CDH8: variants seen among roughly 807,000 people sequenced by gnomAD.
CDH8 encodes the protein cadherin-8.
In CDH8, 17 loss-of-function variants were observed where a neutral mutation model predicts 68.1. That is an observed-to-expected ratio of 0.25 (90% CI 0.17 to 0.37). CDH8 has a LOEUF of 0.37. CDH8 is among the 10% of genes least tolerant of loss of function. The pLI, the probability that CDH8 is intolerant of heterozygous loss-of-function variation, is 1.00. For synonymous variants in CDH8, 372 were observed against 365.1 expected (o/e 1.02, Z -0.21); for missense variants, 763 against 999.3 (o/e 0.76, Z 3.19).
At chr16:61,818,582 T>A (rs970241749) in intron 6 of CDH8, among the ~76,000 whole-genome samples, 2 of 152,176 alleles carry the variant, frequency 1.3e-5, no homozygotes, top group Non-Finnish European at 2.9e-5. Flanking sequence ...TCTGAGAGAC[T>A]TTGGTCAATG....
chr16:61,688,231 C>T (rs1964146054), intron 10 of CDH8, among the ~76,000 whole-genome samples: 1 of 152,010 alleles, frequency 6.6e-6, no homozygotes, highest in Admixed American at 6.6e-5. Flanking sequence ...CACCTCCCTG[C>T]CTGAGCAGCT....
intron 8 of CDH8, among the ~76,000 whole-genome samples, chr16:61,767,562 C>G (rs1417442916): frequency 6.6e-6 from 1 of 151,822 alleles, no homozygotes; most frequent in Non-Finnish European, 1.5e-5. Context: ...CTGTTACTAA[C>G]ATTAAAAAAG....
intron 8 of CDH8, among the ~76,000 whole-genome samples, chr16:61,752,220 C>G (rs552998952): frequency 1.3e-5 from 2 of 152,182 alleles, no homozygotes; most frequent in African/African-American, 4.8e-5. Flanking sequence ...ATGAAGTTAG[C>G]TATGACAATA....
In CDH8 at chr16:61,836,807, C is replaced by T. The variant is rs372496276; in HGVS notation, c.668-11628G>A. ...GCTTCTCCTGGTTTTTCTTTGTCAG[C>T]CAAAGAGACTTATAAAACATTGAGA... On this transcript the variant is annotated intron_variant, in intron 4 of 11. Transcript: ENST00000577390. Among the ~76,000 whole-genome samples, 9 of 152,010 alleles carry T rather than the reference C, an allele frequency of 5.9e-5. No homozygotes were observed. In the East Asian group the frequency reaches 1.2e-3, roughly 20 times the overall value.
At position 61,655,690 on chromosome 16, in the gene CDH8, A is replaced by G; in HGVS notation, c.1686T>C (p.Asn562=). The change falls in exon 11 of 12, where the codon AAT becomes AAC. Residue 562 remains asparagine, a synonymous_variant. Coordinates refer to ENST00000577390, the MANE Select transcript of CDH8 (RefSeq NM_001796.5). ...DNSLSILAKH[N]GFNRQKQEVY... ...CTTCTTGCTTCTGGCGGTTGAATCCATTATGCTTTGCCAAAATACTGAGGG... is the reference window on the plus strand; with the variant it reads ...CTTCTTGCTTCTGGCGGTTGAATCCGTTATGCTTTGCCAAAATACTGAGGG... 6.2e-7 allele frequency: 1 copy of G among 1,614,038 alleles called. No individual in the cohort carries two copies. Among genetic ancestry groups the G allele is most frequent in the Non-Finnish European group, 8.5e-7 (1 of 1,179,912 alleles).
At chr16:62,007,407 T>A (rs1965995171) in intron 2 of CDH8, among the ~76,000 whole-genome samples, 1 of 152,220 alleles carries the variant, frequency 6.6e-6, no homozygotes, top group African/African-American at 2.4e-5. Flanking sequence ...TGATTTACCT[T>A]CTAGTGCCAA....
intron 10 of CDH8, among the ~76,000 whole-genome samples, chr16:61,668,091 A>C (rs1446853675): frequency 6.6e-6 from 1 of 152,050 alleles, no homozygotes; most frequent in Non-Finnish European, 1.5e-5. Flanking sequence ...ACTGGTGGAC[A>C]AGAGTATAGT....
intron 8 of CDH8, among the ~76,000 whole-genome samples, chr16:61,763,207 C>T (rs1221060134): frequency 1.3e-5 from 2 of 152,130 alleles, no homozygotes; most frequent in South Asian, 2.1e-4. Flanking sequence ...TTTGTCTATT[C>T]GGCCAGCTCC....
At chr16:61,972,162 C>T (rs1287453584) in intron 2 of CDH8, among the ~76,000 whole-genome samples, 1 of 152,004 alleles carries the variant, frequency 6.6e-6, no homozygotes, top group Admixed American at 6.6e-5. Flanking sequence ...ATAAGAGTTC[C>T]CCTGCACAAG....
intron 2 of CDH8, among the ~76,000 whole-genome samples, chr16:61,953,490 C>T (rs1361488511): frequency 6.6e-6 from 1 of 151,424 alleles, no homozygotes; most frequent in Admixed American, 6.6e-5. Context: ...ATTACAAATA[C>T]AGTGAAAAAG....
chr16:61,947,321 T>C (rs965043916), intron 2 of CDH8, among the ~76,000 whole-genome samples: 4 of 152,210 alleles, frequency 2.6e-5, no homozygotes, highest in Non-Finnish European at 4.4e-5. Flanking sequence ...ATTAAATGTG[T>C]CAAAGAAAAT....
intron 2 of CDH8, among the ~76,000 whole-genome samples, chr16:61,923,754 ATATT>A (rs1031994487): frequency 6.8e-6 from 1 of 147,766 alleles, no homozygotes; most frequent in African/African-American, 2.5e-5. Context: ...ACATGTATAT[ATATT>A]TAAATATATA....
intron 4 of CDH8, among the ~76,000 whole-genome samples, chr16:61,856,208 T>G (rs1385017786): frequency 6.6e-6 from 1 of 152,112 alleles, no homozygotes; most frequent in Non-Finnish European, 1.5e-5. Flanking sequence ...TATGTATATG[T>G]GCCTGTACAT....
Position 62,021,268 on chromosome 16 carries a change from G to A in CDH8, c.136C>T (p.Leu46=), listed in dbSNP as rs1245630104. 5.0e-6 allele frequency: 8 copies of A among 1,613,946 alleles called. No homozygotes were observed. Among genetic ancestry groups the A allele is most frequent in the Non-Finnish European group, 6.8e-6 (8 of 1,179,914 alleles). The part of the protein sequence containing the change: ...QVLMSGSPLE[L]NSLGEEQRIL... ...CGCTGTTCTTCACCCAGACTGTTTAGTTCCAAAGGGGATCCACTCATTAAA... is the reference window on the plus strand; with the variant it reads ...CGCTGTTCTTCACCCAGACTGTTTAATTCCAAAGGGGATCCACTCATTAAA... Residue 46 remains leucine, a synonymous_variant, in exon 2 of 12, where the codon CTA becomes TTA. Coordinates refer to ENST00000577390, the MANE Select transcript of CDH8 (RefSeq NM_001796.5).
chr16:61,985,778 C>A (rs1475756425), intron 2 of CDH8, among the ~76,000 whole-genome samples: 1 of 152,036 alleles, frequency 6.6e-6, no homozygotes, highest in Non-Finnish European at 1.5e-5. Context: ...CAGGCATGAG[C>A]CACCACGCCT....
At chr16:61,982,592 T>A (rs1372569774) in intron 2 of CDH8, among the ~76,000 whole-genome samples, 2 of 152,182 alleles carry the variant, frequency 1.3e-5, no homozygotes, top group Non-Finnish European at 2.9e-5. Context: ...AATACCCTCT[T>A]TGAGTTGTTA....
At chr16:61,692,197 T>C (rs944682694) in intron 10 of CDH8, 2 of 152,118 alleles carry the variant, frequency 1.3e-5, no homozygotes, top group Admixed American at 1.3e-4. Context: ...CTGACATGAA[T>C]TTCAATGCCC....
chr16:62,005,530 G>A (rs1437685967), intron 2 of CDH8, among the ~76,000 whole-genome samples: 15 of 151,816 alleles, frequency 9.9e-5, no homozygotes, highest in Admixed American at 8.5e-4. Flanking sequence ...GAGGACAGGA[G>A]ATCGAGACCA....
intron 2 of CDH8, among the ~76,000 whole-genome samples, chr16:61,930,659 G>T (rs1964527697): frequency 6.6e-6 from 1 of 152,234 alleles, no homozygotes; most frequent in Admixed American, 6.5e-5. Flanking sequence ...AGAACTATGT[G>T]GACCCTTTAT....
Sources: gnomAD v4.1 joint callset for allele counts (sites outside exome capture counted in the v4.1 genomes callset) on GRCh38, gnomAD v4.1.1 for gene constraint, MANE v1.5 for transcripts, NCBI Gene and HGNC (gene_info 2026-07-23, HGNC 2026-07-21) for gene names.